GCSAML: variants seen among roughly 807,000 people sequenced by gnomAD.
The protein encoded by GCSAML is germinal center-associated signaling and motility-like protein.
A neutral mutation model predicts 13.0 loss-of-function variants in GCSAML; 9 were observed. That is an observed-to-expected ratio of 0.69 (90% CI 0.42 to 1.21). GCSAML has a LOEUF of 1.21. GCSAML is among the 50% of genes most tolerant of loss of function. The pLI, the probability that GCSAML is intolerant of heterozygous loss-of-function variation, is 0.00. For synonymous variants in GCSAML, 37 were observed against 52.9 expected, an observed-to-expected ratio of 0.70 and a Z score of 1.31; for missense variants, 143 against 153.4, an observed-to-expected ratio of 0.93 and a Z score of 0.36.
intron 2 of GCSAML, chr1:247,532,348 T>A (rs781546227): frequency 6.2e-7 from 1 of 1,613,868 alleles, no homozygotes; most frequent in Admixed American, 1.7e-5. Flanking sequence ...TGTGTGGAGG[T>A]GCACATCTGT....
chr1:247,523,382 G>T (rs4925681), intron 1 of GCSAML, among the ~76,000 whole-genome samples: 150,929 of 152,384 alleles, frequency 0.99, 74,758 homozygotes, highest in East Asian at 1. Flanking sequence ...CATTACTTAA[G>T]TCTCTGCAGA....
chr1:247,524,367 C>T (rs543124235), intron 1 of GCSAML, among the ~76,000 whole-genome samples: 1 of 152,268 alleles, frequency 6.6e-6, no homozygotes, highest in South Asian at 2.1e-4. Context: ...GGGATGCCCT[C>T]CATACCCATG....
At chr1:247,559,485 C>T (rs756292241) in intron 2 of GCSAML, among the ~76,000 whole-genome samples, 2 of 152,022 alleles carry the variant, frequency 1.3e-5, no homozygotes, top group African/African-American at 2.4e-5. Context: ...CTTCATCTTC[C>T]GCAGTGTGAG....
chr1:247,510,493 T>C (rs985304847), intron 1 of GCSAML, among the ~76,000 whole-genome samples: 2 of 152,200 alleles, frequency 1.3e-5, no homozygotes, highest in African/African-American at 4.8e-5. Context: ...ATTTTTCGTG[T>C]CTCTATCTCC....
intron 1 of GCSAML, among the ~76,000 whole-genome samples, chr1:247,555,312 G>A (rs1189276291): frequency 2.0e-5 from 3 of 151,800 alleles, no homozygotes; most frequent in Non-Finnish European, 2.9e-5. Flanking sequence ...CAGGAAAAGG[G>A]GAAAAAAGGA....
intron 4 of GCSAML, among the ~76,000 whole-genome samples, chr1:247,570,763 T>G (rs1487398592): frequency 1.3e-5 from 2 of 152,186 alleles, no homozygotes; most frequent in Admixed American, 6.5e-5. Flanking sequence ...TGAATATCCT[T>G]GTTAATCTTC....
chr1:247,566,297 C>T (rs1282331032), intron 4 of GCSAML, among the ~76,000 whole-genome samples: 1 of 152,156 alleles, frequency 6.6e-6, no homozygotes, highest in Non-Finnish European at 1.5e-5. Flanking sequence ...GGCTGGGGTG[C>T]AGTGGCACGA....
At position 247,574,448 on chromosome 1, in the gene GCSAML, G is replaced by A. The variant is rs1422241816; in HGVS notation, c.*66G>A. On this transcript the variant is annotated 3_prime_UTR_variant, in exon 5 of 5. Transcript: ENST00000366488. ...ATGCAGAATAGCAGACTCTGGCGAA[G>A]TTGTTCACCCTGAGCAGTGCATGAA... is the stretch of plus-strand genomic sequence containing the variant. The A allele has an allele frequency of 1.3e-6, 2 of 1,569,556 alleles. No homozygotes were observed. The highest frequency in any genetic ancestry group is 1.7e-6 in the Non-Finnish European group (2 of 1,150,954).
intron 4 of GCSAML, 51 bp from the exon 5 acceptor site, chr1:247,574,092 A>G (rs1184758155): frequency 3.7e-6 from 6 of 1,602,734 alleles, no homozygotes; most frequent in African/African-American, 1.3e-5. Context: ...ACTGAGTTCA[A>G]TTTATGAATG....
intron 1 of GCSAML, among the ~76,000 whole-genome samples, chr1:247,518,859 C>T (rs7553803): frequency 0.024 from 3,602 of 152,186 alleles, 139 homozygotes; most frequent in African/African-American, 0.081. Context: ...GCTAGTGGCG[C>T]CTGCCTTTAG....
intron 1 of GCSAML, chr1:247,525,135 A>G (rs532817348): frequency 6.8e-4 from 104 of 152,366 alleles, no homozygotes; most frequent in African/African-American, 2.3e-3. Context: ...AACATGTTCT[A>G]TAAGGAAAAA....
upstream of GCSAML, among the ~76,000 whole-genome samples, chr1:247,546,568 A>T (rs1027076983): frequency 1.3e-5 from 2 of 151,846 alleles, no homozygotes; most frequent in Admixed American, 6.6e-5. Context: ...TCACTGTGTT[A>T]GCCAGGATGG....
At chr1:247,552,841 C>CA (rs141013799) in intron 1 of GCSAML, among the ~76,000 whole-genome samples, 36,013 of 151,828 alleles carry the variant, frequency 0.24, 7,424 homozygotes, top group African/African-American at 0.56. Context: ...CTGCAACCTC[C>CA]ACCTTCCAGG....
intron 3 of GCSAML, 109 bp downstream of exon 3, chr1:247,563,748 C>A: frequency 1.9e-6 from 1 of 527,838 alleles, no homozygotes. Context: ...GAAGAGGCTG[C>A]TTGGAGTTCT....
chr1:247,565,821 T>C, intron 3 of GCSAML, 110 bp from the exon 4 acceptor site: 1 of 838,824 alleles, frequency 1.2e-6, no homozygotes, highest in Non-Finnish European at 1.8e-6. Context: ...CCTCTGCAGT[T>C]TTATGACTTC....
At chr1:247,572,507 T>C (rs1349877770) in intron 4 of GCSAML, among the ~76,000 whole-genome samples, 1 of 152,246 alleles carries the variant, frequency 6.6e-6, no homozygotes, top group Non-Finnish European at 1.5e-5. Flanking sequence ...CTCCAGATTC[T>C]GTTTGCATGT....
chr1:247,538,482 C>G (rs1667297720), intron 2 of GCSAML, among the ~76,000 whole-genome samples: 1 of 152,148 alleles, frequency 6.6e-6, no homozygotes, highest in South Asian at 2.1e-4. Flanking sequence ...TACACCCATT[C>G]ATATGTTGAA....
rs1249999908 is a variant in GCSAML at position 247,532,515 on chromosome 1, A to G, written c.-148+5461A>G. 6.8e-6 allele frequency: 11 copies of G among 1,611,254 alleles called. No homozygotes were observed. In the South Asian group the frequency reaches 9.9e-5, roughly 15 times the overall value. On this transcript the variant is annotated intron_variant, in intron 2 of 5. Coordinates refer to the GCSAML transcript ENST00000366489. Reference sequence around the variant, plus strand: ...TCACATTGGCTATTTCCATCATTGTATGCTGGGGGTGGGGCAAAAGGCCAC... The same window carrying G: ...TCACATTGGCTATTTCCATCATTGTGTGCTGGGGGTGGGGCAAAAGGCCAC...
chr1:247,529,597 A>G (rs541356914), intron 2 of GCSAML: 4 of 152,082 alleles, frequency 2.6e-5, no homozygotes, highest in Non-Finnish European at 5.9e-5. Flanking sequence ...CAGTTGAAGA[A>G]TGTTGCTTCA....
Sources: allele counts gnomAD v4.1 joint callset (sites outside exome capture counted in the v4.1 genomes callset), GRCh38; gene constraint gnomAD v4.1.1; transcripts MANE v1.5; gene names NCBI Gene and HGNC (gene_info 2026-07-23, HGNC 2026-07-21).